IZUMO1: variants seen among roughly 807,000 people sequenced by gnomAD.
IZUMO1 encodes the protein izumo sperm-oocyte fusion 1, also known as izumo sperm-egg fusion protein 1.
A neutral mutation model predicts 40.7 loss-of-function variants in IZUMO1; 44 were observed. The ratio of observed to expected loss-of-function variants is 1.08; its 90% CI spans 0.85 to 1.39. IZUMO1 has a LOEUF of 1.39. IZUMO1 is among the 40% of genes most tolerant of loss of function. The probability of loss-of-function intolerance (pLI) is 0.00; values close to 1 mark genes in which losing one functional copy is unlikely to be tolerated. For synonymous variants in IZUMO1, 149 were observed against 170.9 expected, an observed-to-expected ratio of 0.87 and a Z score of 1.00; for missense variants, 368 against 436.9, an observed-to-expected ratio of 0.84 and a Z score of 1.41.
rs978463795 is a variant in IZUMO1 at position 48,741,193 on chromosome 19, G to A, written c.932+108C>T. 2.1e-6 allele frequency: 3 copies of A among 1,439,318 alleles called. No individual in the cohort carries two copies. Among genetic ancestry groups the A allele is most frequent in the Admixed American group, 4.6e-5 (2 of 43,836 alleles). The allele number at this position is 1,439,318 out of a possible 1,614,324, so 89.2% of individuals were successfully genotyped here. ...CCCCCCGCACTCCATCCCCAGGAAA[G>A]TCCTGCTCTCAGGCCTCAGTAGCCC... On this transcript the variant is annotated intron_variant, in intron 9 of 9. Transcript: ENST00000332955. The surrounding 1 kb of genome is among the most constrained non-coding windows in gnomAD (Gnocchi z 4.4).
chr19:48,740,911 T>C lies in IZUMO1; in HGVS notation c.1050A>G (p.Gln350=), dbSNP rs2033663955. 1.2e-5 allele frequency: 19 copies of C among 1,614,186 alleles called. No homozygotes were observed. Among genetic ancestry groups the C allele is most frequent in the Non-Finnish European group, 1.4e-5 (17 of 1,180,006 alleles). The change falls in exon 10 of 10, where the codon CAA becomes CAG. Residue 350 remains glutamine, a synonymous_variant. Coordinates refer to ENST00000332955, the MANE Select transcript of IZUMO1 (RefSeq NM_182575.3). The surrounding 1 kb of genome is among the most constrained non-coding windows in gnomAD (Gnocchi z 5.5). ...GCTTAGACAACAAGATAAATCTTTA[T>C]TGTTGCCTCGAATCTGTGGCCTTTT... is the stretch of plus-strand genomic sequence containing the variant. ...PKEKATDSRQ[Q] is the part of the protein sequence containing the mutation.
In IZUMO1 at chr19:48,741,132, A is replaced by G. The variant is rs2033673592; in HGVS notation, c.933-104T>C. The G allele has an allele frequency of 6.5e-7, 1 of 1,542,284 alleles. No individual in the cohort carries two copies. The highest frequency in any genetic ancestry group is 8.8e-7 in the Non-Finnish European group (1 of 1,131,900). On this transcript the variant is annotated intron_variant, in intron 9 of 9. Transcript: ENST00000332955. The surrounding 1 kb of genome is among the most constrained non-coding windows in gnomAD (Gnocchi z 4.4). ...CCTTTGTGACCTTATTCTAGCAATT[A>G]CCTAAGCCTCGCCCTTCGAAGTCCT... is the stretch of plus-strand genomic sequence containing the variant.
At chr19:48,743,602 G>A (rs2033788797) in intron 5 of IZUMO1, 77 bp from the exon 6 acceptor site, 3 of 1,157,188 alleles carry the variant, frequency 2.6e-6, no homozygotes, top group Non-Finnish European at 3.9e-6. Flanking sequence ...CTAAGGGCTG[G>A]GGCCAGATCA....
At chr19:48,746,023 GA>G in intron 1 of IZUMO1, 91 bp from the exon 2 acceptor site, 1 of 1,444,154 alleles carries the variant, frequency 6.9e-7, no homozygotes, top group Non-Finnish European at 9.1e-7. Flanking sequence ...GGATCTTCAG[GA>G]AATCTCCAAA....
intron 3 of IZUMO1, 100 bp downstream of exon 3, chr19:48,745,114 C>A: frequency 2.1e-6 from 2 of 955,786 alleles, no homozygotes; most frequent in South Asian, 1.4e-5. Context: ...GGAATCTAGG[C>A]GGTCTGGGTC....
Position 48,744,500 on chromosome 19 carries a change from A to G in IZUMO1, c.350T>C (p.Leu117Ser), listed in dbSNP as rs755650357. The G allele has an allele frequency of 8.1e-6, 13 of 1,613,978 alleles. No homozygotes were observed. In the South Asian group the frequency reaches 1.4e-4, roughly 18 times the overall value. Residue 117 changes from leucine (L) to serine (S), a missense_variant, in exon 4 of 10, where the codon TTG (leucine) becomes TCG (serine). Transcript: ENST00000332955. ...FVKELFWMLH[L>S]QKETFATYVA... ...ATAGGTGGCAAAGGTTTCCTTTTGCAAGTGCAACATCCAAAATAGCTCCTT... is the reference window on the plus strand; with the variant it reads ...ATAGGTGGCAAAGGTTTCCTTTTGCGAGTGCAACATCCAAAATAGCTCCTT...
Position 48,745,782 on chromosome 19 carries a change from G to A in IZUMO1, c.78C>T (p.Asp26=), listed in dbSNP as rs1235726949. 2 of 1,614,058 alleles carry A rather than the reference G, an allele frequency of 1.2e-6. No homozygotes were observed. The highest frequency in any genetic ancestry group is 4.5e-5 in the East Asian group (2 of 44,882). The change falls in exon 2 of 10, where the codon GAC becomes GAT. Residue 26 remains aspartate (D), a synonymous_variant. Transcript: ENST00000332955. Reference sequence around the variant, plus strand: ...ACTTTAGCGCCAGCACGACAGACGGGTCACATATAACACACCCCTCGGCAG... The same window carrying A: ...ACTTTAGCGCCAGCACGACAGACGGATCACATATAACACACCCCTCGGCAG... ...LLPAEGCVIC[D]PSVVLALKSL...
At chr19:48,742,087 A>G (rs1335731945) in intron 7 of IZUMO1, 122 bp downstream of exon 7, 1 of 1,498,270 alleles carries the variant, frequency 6.7e-7, no homozygotes, top group Non-Finnish European at 9.1e-7. Context: ...AGAGGTCTGT[A>G]GAGACCACAC....
rs1009994209 is a variant in IZUMO1, at chr19:48,742,313, G to T, written c.500-4C>A. On this transcript the variant is annotated splice_polypyrimidine_tract_variant and splice_region_variant and intron_variant, in intron 6 of 9. Coordinates refer to ENST00000332955, the MANE Select transcript of IZUMO1 (RefSeq NM_182575.3). ...TGAGGAACTTCCACATTCCGCTCTG[G>T]GGGTGGGGGATGACCATGGGACACT... The T allele has an allele frequency of 3.1e-6, 5 of 1,602,512 alleles. No individual in the cohort carries two copies. Among genetic ancestry groups the T allele is most frequent in the Non-Finnish European group, 3.4e-6 (4 of 1,169,544 alleles).
At chr19:48,745,338 G>A in intron 2 of IZUMO1, 50 bp from the exon 3 acceptor site, 1 of 1,524,880 alleles carries the variant, frequency 6.6e-7, no homozygotes, top group Non-Finnish European at 9.1e-7. Context: ...TCTCATTGGC[G>A]CGCCTAATCT....
chr19:48,745,405 AGCC>A lies in IZUMO1; in HGVS notation c.236-120_236-118del, dbSNP rs1040337755. On this transcript the variant is annotated intron_variant, in intron 2 of 9. Coordinates refer to ENST00000332955, the MANE Select transcript of IZUMO1 (RefSeq NM_182575.3). ...CAAAGATAGGCCTGGTTAAGGACTC[AGCC>A]GCCCGTTGCCTTCTGGGAGTTGTAG... 3 of 1,076,040 alleles carry A rather than the reference AGCC, an allele frequency of 2.8e-6. No individual in the cohort carries two copies. The African/African-American group carries it at 4.7e-5, about 17-fold the overall frequency. The allele number at this position is 1,076,040 out of a possible 1,614,324, so 66.7% of individuals were successfully genotyped here.
At chr19:48,745,074 G>A (rs12611211) in intron 3 of IZUMO1, 140 bp downstream of exon 3, 319,298 of 696,682 alleles carry the variant, frequency 0.46, 78,023 homozygotes, top group East Asian at 0.85. Flanking sequence ...GCTCAAGGCC[G>A]TACAGCTAGG....
At chr19:48,743,571 G>A (rs1568487099) in intron 5 of IZUMO1, 46 bp from the exon 6 acceptor site, 1 of 1,444,806 alleles carries the variant, frequency 6.9e-7, no homozygotes. Flanking sequence ...TAAGGGGCAT[G>A]GCTAAAAGGA....
At position 48,745,668 on chromosome 19, in the gene IZUMO1, G is replaced by A. The variant is rs368997286; in HGVS notation, c.192C>T (p.Phe64=). 8.7e-6 allele frequency: 14 copies of A among 1,614,144 alleles called. No individual in the cohort carries two copies. Among genetic ancestry groups the A allele is most frequent in the Non-Finnish European group, 1.2e-5 (14 of 1,180,034 alleles). The part of the protein sequence containing the change: ...MERVENAVKD[F]QELSLNEDAY... ...CATCCTCATTAAGCGACAGTTCCTGGAAATCCTTCACGGCATTCTCTACCC... is the reference window on the plus strand; with the variant it reads ...CATCCTCATTAAGCGACAGTTCCTGAAAATCCTTCACGGCATTCTCTACCC... Residue 64 remains phenylalanine (F), a synonymous_variant, in exon 2 of 10, where the codon TTC becomes TTT. Coordinates refer to ENST00000332955, the MANE Select transcript of IZUMO1 (RefSeq NM_182575.3).
chr19:48,744,453 C>A lies in IZUMO1; in HGVS notation c.397G>T (p.Ala133Ser). 1 of 1,610,758 alleles carries A rather than the reference C, an allele frequency of 6.2e-7. No individual in the cohort carries two copies. The highest frequency in any genetic ancestry group is 8.5e-7 in the Non-Finnish European group (1 of 1,177,000). Reference protein sequence around the residue: ...ATYVARFQKEAYCPNKCGVML... With the variant: ...ATYVARFQKESYCPNKCGVML... Reference sequence around the variant, plus strand: ...GACACCGACTCCCATCTTCTCTCACCCTCTTTTTGGAATCGAGCAACATAG... The same window carrying A: ...GACACCGACTCCCATCTTCTCTCACACTCTTTTTGGAATCGAGCAACATAG... Residue 133 changes from alanine to serine, a missense_variant and splice_region_variant, in exon 4 of 10, where the codon GCT (alanine) becomes TCT (serine). Physicochemically the swap from Ala to Ser is moderately conservative, Grantham distance 99. Transcript: ENST00000332955.
Position 48,740,938 on chromosome 19 carries a change from TTTTGGGACCTGGG to T in IZUMO1, c.1010_1022del (p.Thr337LysfsTer20), listed in dbSNP as rs1349437364. 17 of 1,614,178 alleles carry T rather than the reference TTTTGGGACCTGGG, an allele frequency of 1.1e-5. No homozygotes were observed. Among genetic ancestry groups the T allele is most frequent in the Non-Finnish European group, 1.4e-5 (17 of 1,180,002 alleles). ...GTTGCCTCGAATCTGTGGCCTTTTCTTTTGGGACCTGGGTTTGCTCGGCCGCTCCACTGCCAAG... is the reference window on the plus strand; with the variant it reads ...GTTGCCTCGAATCTGTGGCCTTTTCTTTTGCTCGGCCGCTCCACTGCCAAG... On this transcript the variant is annotated frameshift_variant, in exon 10 of 10. Transcript: ENST00000332955. LOFTEE classifies it low-confidence loss of function (END_TRUNC). This position sits in a 1 kb window ranked among gnomAD's most constrained non-coding sequence, Gnocchi z 5.5.
chr19:48,745,047 G>A (rs930889725), intron 3 of IZUMO1, among the ~76,000 whole-genome samples, 167 bp downstream of exon 3: 1 of 152,110 alleles, frequency 6.6e-6, no homozygotes, highest in African/African-American at 2.4e-5. Flanking sequence ...AGAGCCAAGG[G>A]AGCTTCAAAG....
In IZUMO1 at chr19:48,746,595, C is replaced by G. The variant is rs548841397; in HGVS notation, c.-234G>C. 9.1e-6 allele frequency: 9 copies of G among 985,524 alleles called. No individual in the cohort carries two copies. The South Asian group carries it at 3.8e-4, about 41-fold the overall frequency. 61.0% of individuals were successfully genotyped at this position (985,524 alleles called of 1,614,324 possible). ...AAAAGGAGCCCCGATGCATCCTGAACAGTGATGCACCCTAAACAGCCGCTC... is the reference window on the plus strand; with the variant it reads ...AAAAGGAGCCCCGATGCATCCTGAAGAGTGATGCACCCTAAACAGCCGCTC... On this transcript the variant is annotated 5_prime_UTR_variant, in exon 1 of 10. Transcript: ENST00000332955.
chr19:48,742,295 C>T lies in IZUMO1; in HGVS notation c.514G>A (p.Val172Ile). 6.2e-7 allele frequency: 1 copy of T among 1,613,542 alleles called. No homozygotes were observed. Among genetic ancestry groups the T allele is most frequent in the Non-Finnish European group, 8.5e-7 (1 of 1,179,470 alleles). Reference protein sequence around the residue: ...SYDCGERNVEVPQMEDMILDC... With the variant: ...SYDCGERNVEIPQMEDMILDC... ...AGGATCATGTCTTCCATTTGAGGAACTTCCACATTCCGCTCTGGGGGTGGG... is the reference window on the plus strand; with the variant it reads ...AGGATCATGTCTTCCATTTGAGGAATTTCCACATTCCGCTCTGGGGGTGGG... Residue 172 changes from valine (V) to isoleucine (I), a missense_variant, in exon 7 of 10, where the codon GTT becomes ATT. By Grantham distance (29) the Val-to-Ile change is conservative. Coordinates refer to ENST00000332955, the MANE Select transcript of IZUMO1 (RefSeq NM_182575.3).
Sources: allele counts gnomAD v4.1 joint callset (sites outside exome capture counted in the v4.1 genomes callset), GRCh38; gene constraint gnomAD v4.1.1; non-coding constraint Gnocchi (gnomAD v3.1); transcripts MANE v1.5; gene names NCBI Gene and HGNC (gene_info 2026-07-23, HGNC 2026-07-21).